Variants in MAN1B1 observed in about 807,000 individuals in gnomAD.
MAN1B1 encodes the protein endoplasmic reticulum mannosyl-oligosaccharide 1,2-alpha-mannosidase.
MAN1B1 carries 66 observed loss-of-function variants against 75.5 expected under a neutral mutation model. The observed-to-expected ratio is 0.87, with a 90% CI of 0.72 to 1.07. MAN1B1 has a LOEUF of 1.07. MAN1B1 is among the 50% of genes least tolerant of loss of function. The probability of loss-of-function intolerance (pLI) is 0.00; values close to 1 mark genes in which losing one functional copy is unlikely to be tolerated. For synonymous variants in MAN1B1, 453 were observed against 382.8 expected (o/e 1.18, Z -2.14); for missense variants, 973 against 912.5 (o/e 1.07, Z -0.85).
chr9:137,101,049 G>A lies in MAN1B1; in HGVS notation c.961G>A (p.Glu321Lys). 1 of 1,614,198 alleles carries A rather than the reference G, an allele frequency of 6.2e-7. No homozygotes were observed. Among genetic ancestry groups the A allele is most frequent in the Non-Finnish European group, 8.5e-7 (1 of 1,180,030 alleles). The change falls in exon 7 of 13, where the codon GAA becomes AAA. Residue 321 changes from glutamate (E) to lysine (K), a missense_variant. Coordinates refer to ENST00000371589, the MANE Select transcript of MAN1B1 (RefSeq NM_016219.5). ...RKWVSKKLHF[E>K]KDVDVNLFES... ...GTGGGTGTCGAAGAAGTTACACTTT[G>A]AAAAGGACGTGGACGTCAACCTGTT...
intron 5 of MAN1B1, among the ~76,000 whole-genome samples, chr9:137,098,156 G>C (rs866918777): frequency 2.6e-5 from 4 of 152,224 alleles, no homozygotes; most frequent in South Asian, 4.1e-4. Flanking sequence ...GCAGAAGAAG[G>C]TGTGTCTGAG....
At chr9:137,088,527 C>T (rs57129951) in intron 2 of MAN1B1, 1 of 1,081,836 alleles carries the variant, frequency 9.2e-7, no homozygotes, top group African/African-American at 1.6e-5. Context: ...AGGCAGAGTT[C>T]TGGTGAGGAT....
chr9:137,098,074 T>A, intron 5 of MAN1B1, 137 bp downstream of exon 5: 1 of 679,626 alleles, frequency 1.5e-6, no homozygotes, highest in Non-Finnish European at 2.6e-6. Flanking sequence ...CCCTGTTGTC[T>A]GAGTCCTCAC....
chr9:137,090,473 G>T (rs1025749895), intron 3 of MAN1B1, among the ~76,000 whole-genome samples: 1 of 152,164 alleles, frequency 6.6e-6, no homozygotes, highest in Admixed American at 6.5e-5. Context: ...AAGGATCTCA[G>T]CAAGAGGGGC....
At chr9:137,088,569 G>A (rs2130987280) in intron 2 of MAN1B1, 1 of 818,352 alleles carries the variant, frequency 1.2e-6, no homozygotes, top group Non-Finnish European at 1.9e-6. Context: ...GGTCTAAGAT[G>A]CTTCTCTTTG....
Position 137,101,002 on chromosome 9 carries a change from T to G in MAN1B1, c.917-3T>G. ...CTGCATCCTTTACTGTTTTATGTCA[T>G]AGAATTTGAGGAAGCCAGGAAGTGG... is the stretch of plus-strand genomic sequence containing the variant. On this transcript the variant is annotated splice_polypyrimidine_tract_variant and splice_region_variant and intron_variant, in intron 6 of 12. Coordinates refer to ENST00000371589, the MANE Select transcript of MAN1B1 (RefSeq NM_016219.5). 1.2e-6 allele frequency: 2 copies of G among 1,614,124 alleles called. No homozygotes were observed. Among genetic ancestry groups the G allele is most frequent in the Non-Finnish European group, 1.7e-6 (2 of 1,180,018 alleles).
At chr9:137,103,733 T>G (rs564204715) in intron 8 of MAN1B1, 1 of 426,776 alleles carries the variant, frequency 2.3e-6, no homozygotes, top group Non-Finnish European at 4.6e-6. Context: ...GTTACACACA[T>G]GCTGTTGCAG....
chr9:137,106,074 C>A, intron 8 of MAN1B1, 51 bp from the exon 9 acceptor site: 1 of 1,470,152 alleles, frequency 6.8e-7, no homozygotes, highest in South Asian at 1.2e-5. Context: ...TACAGCTCAC[C>A]CTGCAGCTCG....
chr9:137,095,418 A>C (rs971325671), intron 3 of MAN1B1, among the ~76,000 whole-genome samples: 23 of 152,018 alleles, frequency 1.5e-4, no homozygotes, highest in African/African-American at 5.3e-4. Context: ...TCAGTAAAGA[A>C]GTACAAAATT....
chr9:137,104,509 A>G, intron 8 of MAN1B1: 1 of 194,462 alleles, frequency 5.1e-6, no homozygotes, highest in Non-Finnish European at 1.1e-5. Context: ...CTGGGATGAC[A>G]GGCGTGAGCT....
chr9:137,107,195 T>C, intron 10 of MAN1B1, 55 bp from the exon 11 acceptor site: 5 of 1,581,798 alleles, frequency 3.2e-6, no homozygotes, highest in Non-Finnish European at 4.3e-6. Flanking sequence ...CCCGTGCAGC[T>C]GCAGGCTGAG....
Position 137,108,426 on chromosome 9 carries a change from G to C in MAN1B1, c.1935G>C (p.Gln645His), listed in dbSNP as rs886263190. ...GCTATTCTTCCATCAACAATGTCCA[G>C]GATCCTCAGAAGCCCGAGCCTAGGG... ...SGGYSSINNV[Q>H]DPQKPEPRDK... Residue 645 changes from glutamine (Q) to histidine (H), a missense_variant, in exon 13 of 13, where the codon CAG (glutamine) becomes CAC (histidine). By Grantham distance (24) the Gln-to-His change is conservative. Coordinates refer to ENST00000371589, the MANE Select transcript of MAN1B1 (RefSeq NM_016219.5). The C allele has an allele frequency of 6.2e-7, 1 of 1,613,870 alleles. No individual in the cohort carries two copies. The highest frequency in any genetic ancestry group is 1.6e-4 in the Middle Eastern group (1 of 6,062).
intron 8 of MAN1B1, chr9:137,105,728 A>G (rs1831069969): frequency 2.6e-6 from 1 of 384,678 alleles, no homozygotes; most frequent in African/African-American, 2.1e-5. Context: ...CATCAGGAGC[A>G]ACACTGGGCT....
chr9:137,104,153 G>A (rs1831011628), intron 8 of MAN1B1: 2 of 438,414 alleles, frequency 4.6e-6, no homozygotes, highest in Admixed American at 2.4e-5. Context: ...CCCAGTCCCT[G>A]AAAAACACTG....
intron 3 of MAN1B1, among the ~76,000 whole-genome samples, chr9:137,092,395 G>C (rs545115781): frequency 6.6e-6 from 1 of 152,274 alleles, no homozygotes; most frequent in Admixed American, 6.5e-5. Flanking sequence ...CATCATTGAG[G>C]GTTAGGGGCT....
intron 4 of MAN1B1, among the ~76,000 whole-genome samples, chr9:137,097,137 T>C (rs1223296385): frequency 6.6e-6 from 1 of 152,228 alleles, no homozygotes; most frequent in African/African-American, 2.4e-5. Flanking sequence ...TGAGGGCCAC[T>C]GTGCTCTAGT....
intron 8 of MAN1B1, chr9:137,103,739 TGCAG>T: frequency 4.4e-6 from 2 of 450,054 alleles, no homozygotes; most frequent in Non-Finnish European, 8.9e-6. Context: ...CACATGCTGT[TGCAG>T]GCGTGCAGGT....
chr9:137,107,849 C>T, intron 12 of MAN1B1, 187 bp downstream of exon 12: 1 of 756,208 alleles, frequency 1.3e-6, no homozygotes, highest in South Asian at 1.6e-5. Context: ...CCCCACTGAG[C>T]TTCATGGTTG....
intron 9 of MAN1B1, 103 bp downstream of exon 9, chr9:137,106,418 C>T: frequency 8.6e-7 from 1 of 1,157,932 alleles, no homozygotes. Flanking sequence ...CTGCTGCCCC[C>T]CGCCACACTG....
Sources: allele counts gnomAD v4.1 joint callset (sites outside exome capture counted in the v4.1 genomes callset), GRCh38; gene constraint gnomAD v4.1.1; transcripts MANE v1.5; gene names NCBI Gene and HGNC (gene_info 2026-07-23, HGNC 2026-07-21).